Variants in SETD3 observed in about 807,000 individuals in gnomAD.
The protein encoded by SETD3 is actin-histidine N-methyltransferase.
Under a neutral mutation model 63.0 loss-of-function variants are expected in SETD3, and 19 were observed. The ratio of observed to expected loss-of-function variants is 0.30; its 90% CI spans 0.21 to 0.44. The LOEUF (loss-of-function observed/expected upper bound fraction) is 0.44, where lower values mean the gene tolerates loss of function less well. Among genes scored for constraint, SETD3 ranks in the 20% least tolerant of loss-of-function variants. The probability of loss-of-function intolerance (pLI) is 1.00; values close to 1 mark genes in which losing one functional copy is unlikely to be tolerated. For synonymous variants in SETD3, 286 were observed against 264.1 expected (o/e 1.08, Z -0.80); for missense variants, 587 against 728.5 (o/e 0.81, Z 2.24).
At chr14:99,404,178 T>C (rs1891552174) in intron 11 of SETD3, 47 bp downstream of exon 11, 1 of 1,508,800 alleles carries the variant, frequency 6.6e-7, no homozygotes, top group Non-Finnish European at 9.2e-7. Flanking sequence ...ACTTTCATGA[T>C]TTAAAAAGAA....
At chr14:99,467,572 G>A (rs189417334) in intron 1 of SETD3, among the ~76,000 whole-genome samples, 25 of 152,326 alleles carry the variant, frequency 1.6e-4, no homozygotes, top group Admixed American at 3.3e-4. Flanking sequence ...TAATAAGGAC[G>A]TTAATCACAC....
chr14:99,427,865 G>A (rs1892968976), intron 6 of SETD3, among the ~76,000 whole-genome samples: 1 of 152,214 alleles, frequency 6.6e-6, no homozygotes, highest in Non-Finnish European at 1.5e-5. Context: ...TCACTGTCGG[G>A]AAGAGGGGGA....
At chr14:99,462,380 A>T (rs1307982750) in intron 3 of SETD3, among the ~76,000 whole-genome samples, 1 of 152,268 alleles carries the variant, frequency 6.6e-6, no homozygotes, top group Non-Finnish European at 1.5e-5. Flanking sequence ...GGTGTGGCAC[A>T]TAGCTCAGGC....
intron 1 of SETD3, among the ~76,000 whole-genome samples, chr14:99,478,475 T>C (rs995820452): frequency 6.6e-6 from 1 of 152,208 alleles, no homozygotes; most frequent in Non-Finnish European, 1.5e-5. Flanking sequence ...GTATTACTAG[T>C]TACAGTTCTA....
At chr14:99,464,234 A>G (rs1895240139) in intron 2 of SETD3, among the ~76,000 whole-genome samples, 1 of 152,238 alleles carries the variant, frequency 6.6e-6, no homozygotes, top group African/African-American at 2.4e-5. Context: ...AAGACTGCAC[A>G]CTGGGCACCC....
chr14:99,420,503 T>C (rs542291362), intron 6 of SETD3, among the ~76,000 whole-genome samples: 61 of 152,236 alleles, frequency 4.0e-4, no homozygotes, highest in African/African-American at 1.3e-3. Context: ...CACCAGGGAC[T>C]GGCAACCCCA....
chr14:99,479,051 A>C (rs1896122017), intron 1 of SETD3, among the ~76,000 whole-genome samples: 1 of 152,236 alleles, frequency 6.6e-6, no homozygotes, highest in African/African-American at 2.4e-5. Flanking sequence ...ATACAGACAT[A>C]AGATGTTCTA....
At chr14:99,444,011 C>A (rs537668406) in intron 6 of SETD3, among the ~76,000 whole-genome samples, 1 of 152,130 alleles carries the variant, frequency 6.6e-6, no homozygotes, top group African/African-American at 2.4e-5. Flanking sequence ...TTTACTCCCA[C>A]GCAGCCAGGT....
In SETD3 at chr14:99,465,829, A is replaced by G; in HGVS notation, c.-8-16T>C. ...ATTTTTCTGACTACAGAGAAGAGAA[A>G]GAAAAGAGAAAAAAATTACATTACC... On this transcript the variant is annotated splice_polypyrimidine_tract_variant and intron_variant, in intron 1 of 12. Transcript: ENST00000331768. The G allele has an allele frequency of 6.4e-7, 1 of 1,558,664 alleles. No homozygotes were observed. The highest frequency in any genetic ancestry group is 1.4e-5 in the African/African-American group (1 of 73,430).
chr14:99,457,497 C>G (rs1158837313), intron 6 of SETD3, among the ~76,000 whole-genome samples: 2 of 152,200 alleles, frequency 1.3e-5, no homozygotes, highest in African/African-American at 4.8e-5. Flanking sequence ...ACAACCAAAT[C>G]AAACCTAATT....
intron 6 of SETD3, among the ~76,000 whole-genome samples, chr14:99,445,814 TC>T (rs1472650556): frequency 2.6e-5 from 4 of 152,216 alleles, no homozygotes; most frequent in African/African-American, 9.7e-5. Flanking sequence ...AAAAATCCTG[TC>T]CCAGAGGATA....
chr14:99,408,775 T>C (rs1595151500), intron 8 of SETD3, among the ~76,000 whole-genome samples: 1 of 152,208 alleles, frequency 6.6e-6, no homozygotes, highest in East Asian at 1.9e-4. Flanking sequence ...TGTGTGGCAC[T>C]GCCAAACACT....
chr14:99,473,785 T>A (rs988235639), intron 1 of SETD3, among the ~76,000 whole-genome samples: 1 of 152,158 alleles, frequency 6.6e-6, no homozygotes, highest in Non-Finnish European at 1.5e-5. Flanking sequence ...AATACACAAA[T>A]TACAGGATGA....
chr14:99,480,102 A>C (rs941068944), intron 1 of SETD3, among the ~76,000 whole-genome samples: 1 of 152,222 alleles, frequency 6.6e-6, no homozygotes, highest in Non-Finnish European at 1.5e-5. Flanking sequence ...GTGGGAAGAA[A>C]GACGACCTAT....
At chr14:99,443,000 T>C (rs1268222305) in intron 6 of SETD3, among the ~76,000 whole-genome samples, 2 of 152,134 alleles carry the variant, frequency 1.3e-5, no homozygotes, top group Non-Finnish European at 2.9e-5. Flanking sequence ...ACAGACCCCA[T>C]TTGCCTTGGC....
chr14:99,450,280 C>G (rs1894386465), intron 6 of SETD3, among the ~76,000 whole-genome samples: 1 of 152,198 alleles, frequency 6.6e-6, no homozygotes, highest in Non-Finnish European at 1.5e-5. Flanking sequence ...CATGTATTAT[C>G]AGAGTTCTAA....
chr14:99,482,924 C>CA (rs1253520083), upstream of SETD3, among the ~76,000 whole-genome samples: 2 of 151,780 alleles, frequency 1.3e-5, no homozygotes, highest in African/African-American at 4.8e-5. Context: ...TGGATAAGGA[C>CA]AAAAAAATCT....
At chr14:99,399,575 C>A (rs1030149375) in intron 12 of SETD3, among the ~76,000 whole-genome samples, 1 of 152,010 alleles carries the variant, frequency 6.6e-6, no homozygotes, top group African/African-American at 2.4e-5. Flanking sequence ...TTTGTGAAAT[C>A]ACGTGAATTA....
chr14:99,435,024 A>G (rs1003374904), intron 6 of SETD3, among the ~76,000 whole-genome samples: 3 of 152,084 alleles, frequency 2.0e-5, no homozygotes, highest in African/African-American at 4.8e-5. Flanking sequence ...AAAAAAAATT[A>G]TATTTTTATT....
Sources: allele counts gnomAD v4.1 joint callset (sites outside exome capture counted in the v4.1 genomes callset), GRCh38; gene constraint gnomAD v4.1.1; transcripts MANE v1.5; gene names NCBI Gene and HGNC (gene_info 2026-07-23, HGNC 2026-07-21).